The following SLCO1B3 variants were observed in gnomAD, a reference collection of about 807,000 sequenced individuals.
SLCO1B3 encodes liver-specific organic anion transporter 2.
SLCO1B3 carries 72 observed loss-of-function variants against 71.8 expected under a neutral mutation model. The ratio of observed to expected loss-of-function variants is 1.00; its 90% CI spans 0.83 to 1.22. SLCO1B3 has a LOEUF of 1.22. Ranked by LOEUF, SLCO1B3 falls within the 50% of genes most tolerant of loss-of-function variation. SLCO1B3 has a pLI of 0.00. For missense variants in SLCO1B3, 911 were observed against 819.7 expected (o/e 1.11, Z -1.36); for synonymous variants, 298 against 278.4 (o/e 1.07, Z -0.70).
At chr12:20,824,326 A>G (rs1864378863) in intron 3 of SLCO1B3, among the ~76,000 whole-genome samples, 1 of 152,240 alleles carries the variant, frequency 6.6e-6, no homozygotes, top group African/African-American at 2.4e-5. Flanking sequence ...ATATTGGATC[A>G]GCAAGACTTA....
intron 3 of SLCO1B3, among the ~76,000 whole-genome samples, chr12:20,848,798 G>A (rs1864964889): frequency 6.6e-6 from 1 of 152,024 alleles, no homozygotes; most frequent in South Asian, 2.1e-4. Context: ...CTAAAGAAAG[G>A]AATGTGTTCA....
rs267603414 is a variant in SLCO1B3, at chr12:20,916,140, G to A, written c.2002G>A (p.Glu668Lys). 1.2e-6 allele frequency: 2 copies of A among 1,613,466 alleles called. No individual in the cohort carries two copies. Among genetic ancestry groups the A allele is most frequent in the Non-Finnish European group, 1.7e-6 (2 of 1,179,568 alleles). Residue 668 changes from glutamate (E) to lysine (K), a missense_variant, in exon 16 of 16, where the codon GAA becomes AAA. By Grantham distance (56) the Glu-to-Lys change is moderately conservative (BLOSUM62 1). Transcript: ENST00000381545. ...GGACAATGAAAGAAAAGTAATGGATGAAGCAAACTTAGAATTCTTAAATAA... is the reference window on the plus strand; with the variant it reads ...GGACAATGAAAGAAAAGTAATGGATAAAGCAAACTTAGAATTCTTAAATAA... The part of the protein sequence containing the change: ...ASDNERKVMD[E>K]ANLEFLNNGE...
rs374579034 is a variant in SLCO1B3 at position 20,826,191 on chromosome 12, G to A, written c.84+10369G>A. Among the ~76,000 whole-genome samples the A allele has an allele frequency of 1.1e-3, 164 of 150,696 alleles. 4 individuals carry two copies. In the South Asian group the frequency reaches 0.034, roughly 31 times the overall value. ...TAAAGCCAAGAGCACAGAGGGTTAT[G>A]TTAGAAGAAAACATTTTATTTAGAC... On this transcript the variant is annotated intron_variant, in intron 3 of 15. Coordinates refer to ENST00000381545, the MANE Select transcript of SLCO1B3 (RefSeq NM_019844.4).
intron 13 of SLCO1B3, among the ~76,000 whole-genome samples, chr12:20,885,658 A>T (rs953062777): frequency 2.6e-5 from 4 of 151,960 alleles, no homozygotes; most frequent in African/African-American, 9.7e-5. Flanking sequence ...AGGACAGGAA[A>T]GGAACAAGCT....
At chr12:20,819,287 A>G (rs1021007848) in intron 3 of SLCO1B3, among the ~76,000 whole-genome samples, 1 of 152,168 alleles carries the variant, frequency 6.6e-6, no homozygotes, top group African/African-American at 2.4e-5. Context: ...CAGGGAGAGC[A>G]TGTGTGTTTT....
chr12:20,854,993 T>A (rs919577875), intron 3 of SLCO1B3, 35 bp from the exon 4 acceptor site: 11 of 1,592,548 alleles, frequency 6.9e-6, no homozygotes, highest in Non-Finnish European at 9.4e-6. Context: ...GTTCTTTGAT[T>A]AACCAATTTT....
rs1219193433 is a variant in SLCO1B3 at position 20,916,231 on chromosome 12, A to G, written c.2093A>G (p.Asn698Ser). Reference sequence around the variant, plus strand: ...ACATGTAATTTGGACATGCAAGACAATGCTGCTGCCAACTAACATTGCATT... The same window carrying G: ...ACATGTAATTTGGACATGCAAGACAGTGCTGCTGCCAACTAACATTGCATT... ...SKTCNLDMQD[N>S]AAAN The change falls in exon 16 of 16, where the codon AAT becomes AGT. Residue 698 changes from asparagine to serine, a missense_variant. Physicochemically the swap from Asn to Ser is conservative, Grantham distance 46. Coordinates refer to ENST00000381545, the MANE Select transcript of SLCO1B3 (RefSeq NM_019844.4). 1.2e-6 allele frequency: 2 copies of G among 1,612,654 alleles called. No homozygotes were observed. The highest frequency in any genetic ancestry group is 1.7e-5 in the Admixed American group (1 of 59,904).
intron 13 of SLCO1B3, among the ~76,000 whole-genome samples, chr12:20,896,556 A>T (rs1176520461): frequency 6.6e-6 from 1 of 152,172 alleles, no homozygotes. Flanking sequence ...GACCACCTCA[A>T]CCTGGACCTT....
intron 3 of SLCO1B3, among the ~76,000 whole-genome samples, chr12:20,854,739 T>A (rs1272113094): frequency 6.6e-6 from 1 of 152,164 alleles, no homozygotes; most frequent in East Asian, 1.9e-4. Flanking sequence ...CTGAGAACAG[T>A]GTCTAGCTTC....
intron 3 of SLCO1B3, among the ~76,000 whole-genome samples, chr12:20,846,958 T>C (rs941934230): frequency 6.6e-6 from 1 of 152,126 alleles, no homozygotes; most frequent in East Asian, 1.9e-4. Context: ...CTGACAATTA[T>C]GTACATTTGT....
chr12:20,829,920 CTG>C (rs1205539671), intron 3 of SLCO1B3, among the ~76,000 whole-genome samples: 4 of 152,162 alleles, frequency 2.6e-5, no homozygotes, highest in Non-Finnish European at 1.5e-5. Context: ...AGAAGTCACT[CTG>C]TGGCCATTTG....
At chr12:20,844,809 C>G (rs934378980) in intron 3 of SLCO1B3, among the ~76,000 whole-genome samples, 1 of 151,978 alleles carries the variant, frequency 6.6e-6, no homozygotes, top group East Asian at 1.9e-4. Context: ...GTGGGCGAAT[C>G]ATCTGAGGCC....
At chr12:20,843,345 T>C (rs968093909) in intron 3 of SLCO1B3, among the ~76,000 whole-genome samples, 1 of 152,216 alleles carries the variant, frequency 6.6e-6, no homozygotes, top group Non-Finnish European at 1.5e-5. Context: ...TATTGAAGTA[T>C]ATCTTCCGAA....
rs762106680 is a variant in SLCO1B3, at chr12:20,875,354, C to T, written c.847C>T (p.Pro283Ser). Residue 283 changes from proline (P) to serine (S), a missense_variant, in exon 9 of 16, where the codon CCA (proline) becomes TCA (serine). Transcript: ENST00000381545. ...SIPFFFLPKN[P>S]NKPQKERKIS... The stretch of plus-strand genomic sequence containing the variant: ...ACCATTTTTTTTCTTGCCGAAAAAT[C>T]CAAATAAACCACAAAAAGAAAGAAA... 3 of 1,612,658 alleles carry T rather than the reference C, an allele frequency of 1.9e-6. No individual in the cohort carries two copies. Among genetic ancestry groups the T allele is most frequent in the South Asian group, 1.1e-5 (1 of 90,812 alleles).
At chr12:20,840,641 T>A (rs1842289872) in intron 3 of SLCO1B3, among the ~76,000 whole-genome samples, 1 of 152,060 alleles carries the variant, frequency 6.6e-6, no homozygotes. Flanking sequence ...TCCACCAGCT[T>A]CATCTTCCCA....
At chr12:20,905,489 T>C (rs942156107) in intron 15 of SLCO1B3, among the ~76,000 whole-genome samples, 2 of 152,218 alleles carry the variant, frequency 1.3e-5, no homozygotes, top group Non-Finnish European at 2.9e-5. Context: ...TTCACACATA[T>C]GAGTAAACAC....
At chr12:20,861,198 A>G in intron 6 of SLCO1B3, 60 bp downstream of exon 6, 1 of 1,427,254 alleles carries the variant, frequency 7.0e-7, no homozygotes, top group Non-Finnish European at 9.4e-7. Context: ...TCACGTCTAT[A>G]AAGTTTCTGA....
intron 3 of SLCO1B3, among the ~76,000 whole-genome samples, chr12:20,821,488 A>T (rs947886611): frequency 6.6e-6 from 1 of 152,138 alleles, no homozygotes; most frequent in Non-Finnish European, 1.5e-5. Context: ...AAGCCCAGAG[A>T]AAAGAGTAGA....
chr12:20,916,305 A>G lies in SLCO1B3; in HGVS notation c.*58A>G, dbSNP rs1397530319. 8 of 1,510,638 alleles carry G rather than the reference A, an allele frequency of 5.3e-6. No homozygotes were observed. The highest frequency in any genetic ancestry group is 7.2e-6 in the Non-Finnish European group (8 of 1,104,640). The allele number at this position is 1,510,638 out of a possible 1,614,324, so 93.6% of individuals were successfully genotyped here. On this transcript the variant is annotated 3_prime_UTR_variant, in exon 16 of 16. Coordinates refer to ENST00000381545, the MANE Select transcript of SLCO1B3 (RefSeq NM_019844.4). ...AGGTGTTCCTGGTCTTTCACTGACA[A>G]TTCCAACATTCTTTACTTACAGTGG...
Sources: allele counts gnomAD v4.1 joint callset (sites outside exome capture counted in the v4.1 genomes callset), GRCh38; gene constraint gnomAD v4.1.1; transcripts MANE v1.5; gene names NCBI Gene and HGNC (gene_info 2026-07-23, HGNC 2026-07-21).